Variants in UBE2E2 observed in about 807,000 individuals in gnomAD.
UBE2E2 encodes ubiquitin-conjugating enzyme E2 E2.
Under a neutral mutation model 24.7 loss-of-function variants are expected in UBE2E2, and 6 were observed. The ratio of observed to expected loss-of-function variants is 0.24; its 90% confidence interval spans 0.13 to 0.48. The LOEUF (loss-of-function observed/expected upper bound fraction) is 0.48, where lower values mean the gene tolerates loss of function less well. UBE2E2 is among the 20% of genes least tolerant of loss of function. The pLI is 0.99. For missense variants in UBE2E2, 169 were observed against 245.0 expected (o/e 0.69, Z 2.07); for synonymous variants, 104 against 83.6 (o/e 1.24, Z -1.33).
chr3:23,402,794 A>G (rs549915009), intron 3 of UBE2E2, among the ~76,000 whole-genome samples: 32 of 152,332 alleles, frequency 2.1e-4, no homozygotes, highest in Non-Finnish European at 3.5e-4. Flanking sequence ...CATCTGATCT[A>G]GCTCAAGACC....
At chr3:23,586,411 C>T (rs1696627576) in intron 5 of UBE2E2, among the ~76,000 whole-genome samples, 1 of 152,154 alleles carries the variant, frequency 6.6e-6, no homozygotes, top group Admixed American at 6.5e-5. Context: ...CCTCCCACCT[C>T]AGCCTCTCAA....
intron 5 of UBE2E2, among the ~76,000 whole-genome samples, chr3:23,543,111 C>T (rs552515433): frequency 1.6e-4 from 24 of 152,202 alleles, no homozygotes; most frequent in African/African-American, 5.5e-4. Flanking sequence ...GCCAGGAGTT[C>T]AAGACTAGCC....
At chr3:23,482,656 GATT>G (rs1288329510) in intron 3 of UBE2E2, among the ~76,000 whole-genome samples, 3 of 151,938 alleles carry the variant, frequency 2.0e-5, no homozygotes, top group Non-Finnish European at 4.4e-5. Context: ...TGACAGCCTG[GATT>G]ATTATTATTT....
intron 1 of UBE2E2, among the ~76,000 whole-genome samples, chr3:23,203,759 C>G (rs1364362522): frequency 6.7e-6 from 1 of 149,308 alleles, no homozygotes; most frequent in Non-Finnish European, 1.5e-5. Flanking sequence ...CCATCCTTCT[C>G]AACCCTCCCA....
At chr3:23,312,828 C>T (rs1195434592) in intron 3 of UBE2E2, among the ~76,000 whole-genome samples, 6 of 152,048 alleles carry the variant, frequency 3.9e-5, no homozygotes, top group African/African-American at 1.4e-4. Context: ...TTTCAATTTT[C>T]TTCTTAATTT....
intron 5 of UBE2E2, among the ~76,000 whole-genome samples, chr3:23,581,259 A>G (rs1426253849): frequency 6.6e-6 from 1 of 151,804 alleles, no homozygotes; most frequent in Non-Finnish European, 1.5e-5. Context: ...GGGTCTCGCT[A>G]TATTGATCAG....
chr3:23,233,808 G>A (rs1423237420), intron 3 of UBE2E2, among the ~76,000 whole-genome samples: 4 of 152,040 alleles, frequency 2.6e-5, no homozygotes, highest in Non-Finnish European at 5.9e-5. Context: ...TGTAGTATAA[G>A]GTGAAAATAT....
At chr3:23,409,265 G>C (rs1195182450) in intron 3 of UBE2E2, among the ~76,000 whole-genome samples, 1 of 152,170 alleles carries the variant, frequency 6.6e-6, no homozygotes, top group Non-Finnish European at 1.5e-5. Flanking sequence ...TACACAGTTA[G>C]CTCTTAGAAA....
At chr3:23,417,838 G>T (rs1695180) in intron 3 of UBE2E2, among the ~76,000 whole-genome samples, 24,656 of 152,114 alleles carry the variant, frequency 0.16, 2,040 homozygotes, top group South Asian at 0.21. Flanking sequence ...TGAACTTCTG[G>T]CGATTTTGTT....
At chr3:23,279,396 A>C (rs1182333784) in intron 3 of UBE2E2, among the ~76,000 whole-genome samples, 3 of 152,210 alleles carry the variant, frequency 2.0e-5, no homozygotes, top group Non-Finnish European at 4.4e-5. Context: ...AGCAGCATTT[A>C]AGCCTTCCAG....
At chr3:23,271,809 C>T (rs1698250605) in intron 3 of UBE2E2, among the ~76,000 whole-genome samples, 1 of 152,130 alleles carries the variant, frequency 6.6e-6, no homozygotes, top group African/African-American at 2.4e-5. Context: ...CATAAAGGTT[C>T]TCCAAGCCCC....
intron 5 of UBE2E2, among the ~76,000 whole-genome samples, chr3:23,540,594 G>T (rs62256025): frequency 1.3e-5 from 2 of 151,886 alleles, no homozygotes; most frequent in Non-Finnish European, 2.9e-5. Flanking sequence ...TAGTAGAGAC[G>T]GGGTTTCACC....
At chr3:23,383,167 T>TCCC (rs1225172201) in intron 3 of UBE2E2, among the ~76,000 whole-genome samples, 1 of 152,152 alleles carries the variant, frequency 6.6e-6, no homozygotes, top group African/African-American at 2.4e-5. Context: ...GTTGTAGGGG[T>TCCC]CAGGGACTCA....
At chr3:23,479,609 G>A (rs1205122092) in intron 3 of UBE2E2, among the ~76,000 whole-genome samples, 1 of 152,200 alleles carries the variant, frequency 6.6e-6, no homozygotes, top group African/African-American at 2.4e-5. Flanking sequence ...TGGGTCCCAA[G>A]TTCTTGTTCC....
intron 4 of UBE2E2, among the ~76,000 whole-genome samples, chr3:23,527,623 T>TCC (rs957132026): frequency 2.0e-5 from 3 of 152,116 alleles, no homozygotes; most frequent in African/African-American, 7.2e-5. Flanking sequence ...TCAGCCCCTT[T>TCC]CCCCTATAAC....
At chr3:23,465,287 G>T (rs1240631504) in intron 3 of UBE2E2, among the ~76,000 whole-genome samples, 1 of 152,148 alleles carries the variant, frequency 6.6e-6, no homozygotes, top group Non-Finnish European at 1.5e-5. Context: ...ACTCAGAGCT[G>T]TGTTATTCCA....
rs561192225 is a variant in UBE2E2, at chr3:23,280,037, G to A, written c.227+62725G>A. Among the ~76,000 whole-genome samples the A allele has an allele frequency of 1.2e-4, 18 of 152,198 alleles. No homozygotes were observed. The highest frequency in any genetic ancestry group is 4.1e-4 in the African/African-American group (17 of 41,518). On this transcript the variant is annotated intron_variant, in intron 3 of 5. Transcript: ENST00000396703. This position sits in a 1 kb window ranked among gnomAD's most constrained non-coding sequence, Gnocchi z 4.3. Reference sequence around the variant, plus strand: ...GACATTGTCTCTCATTCACCTATTAGGCCATACATTCAAATAAGCATGGGA... The same window carrying A: ...GACATTGTCTCTCATTCACCTATTAAGCCATACATTCAAATAAGCATGGGA...
chr3:23,579,696 T>G (rs1418702878), intron 5 of UBE2E2, among the ~76,000 whole-genome samples: 1 of 151,854 alleles, frequency 6.6e-6, no homozygotes, highest in East Asian at 1.9e-4. Flanking sequence ...CAAGACCCTG[T>G]CTCTTAAAAA....
chr3:23,393,088 T>A (rs1043671957), intron 3 of UBE2E2, among the ~76,000 whole-genome samples: 2 of 152,160 alleles, frequency 1.3e-5, no homozygotes, highest in African/African-American at 4.8e-5. Flanking sequence ...CTTACAGAGA[T>A]CCCTCTACAT....
Sources: gnomAD v4.1 joint callset for allele counts (sites outside exome capture counted in the v4.1 genomes callset) on GRCh38, gnomAD v4.1.1 for gene constraint, Gnocchi (gnomAD v3.1) non-coding constraint, MANE v1.5 for transcripts, NCBI Gene and HGNC (gene_info 2026-07-23, HGNC 2026-07-21) for gene names.